Variants in DGLUCY observed in about 807,000 individuals in gnomAD.
DGLUCY encodes the protein D-glutamate cyclase.
In DGLUCY, 58 loss-of-function variants were observed where a neutral mutation model predicts 58.5. The ratio of observed to expected loss-of-function variants is 0.99; its 90% CI spans 0.80 to 1.23. The LOEUF (loss-of-function observed/expected upper bound fraction) is 1.23, where lower values mean the gene tolerates loss of function less well. Ranked by LOEUF, DGLUCY falls within the 50% of genes most tolerant of loss-of-function variation. The pLI is 0.00. For missense variants in DGLUCY, 779 were observed against 784.7 expected (o/e 0.99, Z 0.09); for synonymous variants, 325 against 314.1 (o/e 1.03, Z -0.37).
At chr14:91,194,633 C>T (rs914804049) in intron 9 of DGLUCY, among the ~76,000 whole-genome samples, 6 of 151,798 alleles carry the variant, frequency 4.0e-5, no homozygotes, top group Non-Finnish European at 7.4e-5. Flanking sequence ...CTCCGACTCC[C>T]GGGTTCAAGT....
intron 1 of DGLUCY, among the ~76,000 whole-genome samples, chr14:91,123,820 C>T (rs1008063894): frequency 2.0e-5 from 3 of 152,046 alleles, no homozygotes; most frequent in East Asian, 1.9e-4. Flanking sequence ...TCAAACAGTT[C>T]GCCTGCCTTG....
At chr14:91,111,158 GAT>G (rs2044685885), upstream of DGLUCY, among the ~76,000 whole-genome samples, 1 of 149,732 alleles carries the variant, frequency 6.7e-6, no homozygotes, top group African/African-American at 2.5e-5. Flanking sequence ...GGTGCCAGTA[GAT>G]AATATGTTTG....
intron 13 of DGLUCY, among the ~76,000 whole-genome samples, chr14:91,217,542 T>C (rs552134720): frequency 2.7e-5 from 4 of 150,042 alleles, no homozygotes; most frequent in African/African-American, 9.8e-5. Context: ...TGGAGTATAG[T>C]GGCACGATCT....
At chr14:91,146,653 A>G (rs559823607) in intron 1 of DGLUCY, among the ~76,000 whole-genome samples, 44 of 152,318 alleles carry the variant, frequency 2.9e-4, no homozygotes, top group African/African-American at 1.0e-3. Context: ...GACAAGGCTG[A>G]TGCGGCTAGT....
At chr14:91,113,963 G>A (rs1260251578), upstream of DGLUCY, 1 of 152,276 alleles carries the variant, frequency 6.6e-6, no homozygotes, top group Admixed American at 6.5e-5. Flanking sequence ...CTCTTGCAGG[G>A]AGAACTGGGC....
In DGLUCY at chr14:91,199,839, C is replaced by T; in HGVS notation, c.1378C>T (p.His460Tyr). 1.9e-6 allele frequency: 3 copies of T among 1,614,174 alleles called. No homozygotes were observed. The highest frequency in any genetic ancestry group is 1.7e-6 in the Non-Finnish European group (2 of 1,180,026). Residue 460 changes from histidine (H) to tyrosine (Y), a missense_variant, in exon 11 of 14, where the codon CAC (histidine) becomes TAC (tyrosine). Coordinates refer to ENST00000256324, the MANE Select transcript of DGLUCY (RefSeq NM_001102368.3). ...CAATGCAAGGAAGATGAACATCAAG[C>T]ACTTGGTTGACCCCATTGACGATCT... ...YYNARKMNIKHLVDPIDDLFL... is the reference protein window; with the variant it reads ...YYNARKMNIKYLVDPIDDLFL...
intron 1 of DGLUCY, among the ~76,000 whole-genome samples, chr14:91,069,799 C>CTTTTTTTTTTTTTTTTT (rs5810528): frequency 8.3e-6 from 1 of 121,038 alleles, no homozygotes; most frequent in Non-Finnish European, 1.7e-5. Context: ...TGATATGCCT[C>CTTTTTTTTTTTTTTTTT]TTTTTTTTTT....
chr14:91,207,161 GAA>G (rs56355078), intron 12 of DGLUCY, among the ~76,000 whole-genome samples: 4 of 85,326 alleles, frequency 4.7e-5, no homozygotes, highest in African/African-American at 1.4e-4. Flanking sequence ...ACTGTCTCAG[GAA>G]AAAAAAAAAA....
intron 1 of DGLUCY, among the ~76,000 whole-genome samples, chr14:91,075,357 G>A (rs776272166): frequency 1.3e-5 from 2 of 152,004 alleles, no homozygotes; most frequent in Non-Finnish European, 2.9e-5. Context: ...TGGCCAGGCT[G>A]GTCTCGAACC....
At chr14:91,144,412 T>C (rs1440081034) in intron 1 of DGLUCY, among the ~76,000 whole-genome samples, 1 of 151,994 alleles carries the variant, frequency 6.6e-6, no homozygotes, top group Non-Finnish European at 1.5e-5. Context: ...ATACAGAAAT[T>C]AGCTGGGCAT....
chr14:91,134,447 T>C (rs1327473667), intron 1 of DGLUCY, among the ~76,000 whole-genome samples: 3 of 152,106 alleles, frequency 2.0e-5, no homozygotes, highest in Non-Finnish European at 4.4e-5. Context: ...TTTCTTTTTT[T>C]TTTTTTCTGG....
intron 1 of DGLUCY, among the ~76,000 whole-genome samples, chr14:91,123,369 C>T (rs1317315731): frequency 2.6e-5 from 4 of 152,138 alleles, no homozygotes; most frequent in African/African-American, 7.2e-5. Context: ...GCAATAAACG[C>T]TGCCCTGGCA....
At position 91,160,416 on chromosome 14, in the gene DGLUCY, T is replaced by C; in HGVS notation, c.103+19T>C. 1 of 935,358 alleles carries C rather than the reference T, an allele frequency of 1.1e-6. No individual in the cohort carries two copies. Among genetic ancestry groups the C allele is most frequent in the South Asian group, 2.3e-5 (1 of 43,894 alleles). The allele number at this position is 935,358 out of a possible 1,614,324, so 57.9% of individuals were successfully genotyped here. On this transcript the variant is annotated intron_variant, in intron 3 of 13. Coordinates refer to ENST00000256324, the MANE Select transcript of DGLUCY (RefSeq NM_001102368.3). ...GCTGGAGGTAAGTGGTGCCAGATAG[T>C]TAAAAAAAAAAAAAAAAAAAAAAAA...
Position 91,163,146 on chromosome 14 carries a change from G to A in DGLUCY, c.103+2749G>A, listed in dbSNP as rs4530064. On this transcript the variant is annotated intron_variant, in intron 3 of 13. Transcript: ENST00000256324. ...GTGGGGGCATGCGCCTCTAATCCCA[G>A]CTACTCGGGAGGCTGAGGCAGGGGA... Among the ~76,000 whole-genome samples, 51 of 152,060 alleles carry A rather than the reference G, an allele frequency of 3.4e-4. 1 individual carries two copies. The East Asian group carries it at 3.7e-3, about 11-fold the overall frequency.
At chr14:91,185,594 A>C (rs2049464741) in intron 8 of DGLUCY, 2 of 151,616 alleles carry the variant, frequency 1.3e-5, no homozygotes, top group African/African-American at 4.9e-5. Flanking sequence ...ATTTTTTAAA[A>C]TTTCTGCCAT....
intron 1 of DGLUCY, among the ~76,000 whole-genome samples, chr14:91,118,983 A>T (rs185964788): frequency 2.3e-4 from 35 of 152,270 alleles, no homozygotes; most frequent in African/African-American, 7.0e-4. Flanking sequence ...AAATTTTTTT[A>T]AATTATACTA....
At chr14:91,195,347 TC>T (rs1003958778) in intron 9 of DGLUCY, among the ~76,000 whole-genome samples, 3 of 152,206 alleles carry the variant, frequency 2.0e-5, no homozygotes, top group African/African-American at 7.2e-5. Flanking sequence ...TTTGTGTATT[TC>T]CCACATATTC....
intron 5 of DGLUCY, among the ~76,000 whole-genome samples, chr14:91,172,223 A>G (rs2048608254): frequency 6.6e-6 from 1 of 152,114 alleles, no homozygotes; most frequent in South Asian, 2.1e-4. Flanking sequence ...GGCATGTGCC[A>G]GCACACCCAG....
intron 1 of DGLUCY, among the ~76,000 whole-genome samples, chr14:91,140,872 C>G (rs1224706795): frequency 6.6e-6 from 1 of 152,200 alleles, no homozygotes; most frequent in East Asian, 1.9e-4. Context: ...CTCAGGCTCT[C>G]TCTTGCTGCC....
Sources: allele counts gnomAD v4.1 joint callset (sites outside exome capture counted in the v4.1 genomes callset), GRCh38; gene constraint gnomAD v4.1.1; transcripts MANE v1.5; gene names NCBI Gene and HGNC (gene_info 2026-07-23, HGNC 2026-07-21).